KCNQ5: variants seen among roughly 807,000 people sequenced by gnomAD.
KCNQ5 encodes potassium voltage-gated channel subfamily KQT member 5.
A neutral mutation model predicts 98.2 loss-of-function variants in KCNQ5; 30 were observed. The ratio of observed to expected loss-of-function variants is 0.31; its 90% CI spans 0.23 to 0.41. The LOEUF (loss-of-function observed/expected upper bound fraction) is 0.41, where lower values mean the gene tolerates loss of function less well. Among genes scored for constraint, KCNQ5 ranks in the 10% least tolerant of loss-of-function variants. KCNQ5 has a pLI of 1.00. For synonymous variants in KCNQ5, 458 were observed against 449.4 expected (o/e 1.02, Z -0.24); for missense variants, 835 against 1,182.5 (o/e 0.71, Z 4.31).
chr6:72,808,094 T>G (rs1775042680), intron 1 of KCNQ5, among the ~76,000 whole-genome samples: 1 of 152,108 alleles, frequency 6.6e-6, no homozygotes, highest in South Asian at 2.1e-4. Context: ...GGGAGTTCAC[T>G]AGGGGCAGGA....
intron 1 of KCNQ5, among the ~76,000 whole-genome samples, chr6:72,645,214 CA>C (rs397806838): frequency 2.1e-5 from 3 of 141,076 alleles, no homozygotes; most frequent in Middle Eastern, 3.8e-3. Flanking sequence ...CAAAAAAAAA[CA>C]AAAAAAAACA....
intron 10 of KCNQ5, among the ~76,000 whole-genome samples, chr6:73,147,489 G>A (rs984332270): frequency 5.1e-4 from 77 of 152,116 alleles, no homozygotes; most frequent in African/African-American, 1.6e-3. Context: ...GAGTCCTCAT[G>A]TTGAATAATT....
At chr6:72,853,163 C>T (rs992103482) in intron 1 of KCNQ5, among the ~76,000 whole-genome samples, 5 of 152,092 alleles carry the variant, frequency 3.3e-5, no homozygotes, top group East Asian at 1.9e-4. Flanking sequence ...TTAGTCAAAG[C>T]GAAGAAAGTA....
At chr6:72,960,844 T>C (rs527763640) in intron 1 of KCNQ5, among the ~76,000 whole-genome samples, 1 of 152,338 alleles carries the variant, frequency 6.6e-6, no homozygotes, top group East Asian at 1.9e-4. Flanking sequence ...GTCTTCTGAG[T>C]AGCTGGAACT....
At chr6:73,034,925 A>G (rs945569753) in intron 2 of KCNQ5, among the ~76,000 whole-genome samples, 39 of 149,228 alleles carry the variant, frequency 2.6e-4, no homozygotes, top group Non-Finnish European at 2.7e-4. Context: ...GGCTCACTGC[A>G]AGCTCCGCCT....
Position 72,897,502 on chromosome 6 carries a change from A to G in KCNQ5, c.399-106406A>G, listed in dbSNP as rs1227837703. On this transcript the variant is annotated intron_variant, in intron 1 of 13. Transcript: ENST00000370398. ...TGTTGCGGGGAGCCGAGATTGTACC[A>G]CCGCATTCCAGCATGGGCAACAGAG... Among the ~76,000 whole-genome samples the G allele has an allele frequency of 3.3e-5, 5 of 152,110 alleles. No individual in the cohort carries two copies. The East Asian group carries it at 9.7e-4, about 29-fold the overall frequency.
intron 9 of KCNQ5, among the ~76,000 whole-genome samples, chr6:73,126,823 C>T (rs1214708464): frequency 5.3e-5 from 8 of 151,900 alleles, no homozygotes; most frequent in Non-Finnish European, 1.0e-4. Context: ...GTCACATCAC[C>T]CTGGGTAAAG....
intron 1 of KCNQ5, among the ~76,000 whole-genome samples, chr6:72,864,639 C>A (rs539405742): frequency 6.6e-6 from 1 of 152,076 alleles, no homozygotes; most frequent in South Asian, 2.1e-4. Flanking sequence ...ATGCTAGTTT[C>A]TCTCAATAAT....
At chr6:72,711,661 G>T (rs1303892263) in intron 1 of KCNQ5, among the ~76,000 whole-genome samples, 2 of 152,194 alleles carry the variant, frequency 1.3e-5, no homozygotes, top group African/African-American at 2.4e-5. Context: ...TAGGGAAAGT[G>T]TAGGTGCAGG....
chr6:73,031,091 G>A (rs1452505419), intron 2 of KCNQ5, among the ~76,000 whole-genome samples: 1 of 152,158 alleles, frequency 6.6e-6, no homozygotes, highest in Non-Finnish European at 1.5e-5. Flanking sequence ...AAATAAAAGG[G>A]ATAAACTGTC....
chr6:72,845,412 A>T lies in KCNQ5; in HGVS notation c.399-158496A>T, dbSNP rs1039402551. Among the ~76,000 whole-genome samples the T allele has an allele frequency of 2.6e-5, 4 of 152,228 alleles. No individual in the cohort carries two copies. In the East Asian group the frequency reaches 5.8e-4, roughly 22 times the overall value. ...CATCTCACTTATACCTTGATCCAAAAGCTATTTAACCTCCATAGATGTGTC... is the reference window on the plus strand; with the variant it reads ...CATCTCACTTATACCTTGATCCAAATGCTATTTAACCTCCATAGATGTGTC... On this transcript the variant is annotated intron_variant, in intron 1 of 13. Transcript: ENST00000370398.
chr6:73,101,539 T>A (rs1442246821), intron 5 of KCNQ5, among the ~76,000 whole-genome samples: 1 of 152,130 alleles, frequency 6.6e-6, no homozygotes, highest in African/African-American at 2.4e-5. Flanking sequence ...TTAGAACTGA[T>A]AAACAAATTC....
intron 1 of KCNQ5, among the ~76,000 whole-genome samples, chr6:72,924,220 T>C (rs997905480): frequency 7.9e-5 from 12 of 152,218 alleles, no homozygotes; most frequent in Non-Finnish European, 1.6e-4. Flanking sequence ...CAATTTCCAA[T>C]GCAGCTGAGA....
chr6:72,944,458 A>T (rs189339902), intron 1 of KCNQ5, among the ~76,000 whole-genome samples: 110 of 152,296 alleles, frequency 7.2e-4, no homozygotes, highest in African/African-American at 2.5e-3. Context: ...TTATTTCAGG[A>T]CCTATTCTAA....
intron 1 of KCNQ5, among the ~76,000 whole-genome samples, chr6:72,687,206 T>C (rs897109640): frequency 1.3e-5 from 2 of 152,234 alleles, no homozygotes; most frequent in African/African-American, 2.4e-5. Context: ...TAAGCCAATA[T>C]TGATTGCTCT....
In KCNQ5 at chr6:72,622,619, G is replaced by A. The variant is rs1445031490; in HGVS notation, c.398+32G>A. The A allele has an allele frequency of 2.5e-6, 4 of 1,608,960 alleles. No individual in the cohort carries two copies. Among genetic ancestry groups the A allele is most frequent in the Non-Finnish European group, 3.4e-6 (4 of 1,177,972 alleles). The stretch of plus-strand genomic sequence containing the variant: ...ACCCGCGCCCCCTGCTATGCCCGCT[G>A]CAGGGGACCACTGTCCCTGGCCCCC... On this transcript the variant is annotated intron_variant, in intron 1 of 13. Transcript: ENST00000370398. The surrounding 1 kb of genome is among the most constrained non-coding windows in gnomAD (Gnocchi z 6.0).
intron 1 of KCNQ5, among the ~76,000 whole-genome samples, chr6:72,888,373 T>C (rs1778929322): frequency 6.6e-6 from 1 of 152,180 alleles, no homozygotes; most frequent in Admixed American, 6.5e-5. Flanking sequence ...TACTTTAATA[T>C]GACGCTGTGC....
At chr6:73,121,064 T>C (rs1236720804) in intron 8 of KCNQ5, among the ~76,000 whole-genome samples, 3 of 152,184 alleles carry the variant, frequency 2.0e-5, no homozygotes, top group Admixed American at 2.0e-4. Flanking sequence ...CTCACATCAG[T>C]GGCAAAAAAA....
intron 5 of KCNQ5, among the ~76,000 whole-genome samples, chr6:73,093,713 C>A (rs1435642006): frequency 6.6e-6 from 1 of 152,056 alleles, no homozygotes; most frequent in African/African-American, 2.4e-5. Context: ...ATTTGCATGG[C>A]TTTGAAAGTT....
Sources: allele counts gnomAD v4.1 joint callset (sites outside exome capture counted in the v4.1 genomes callset), GRCh38; gene constraint gnomAD v4.1.1; non-coding constraint Gnocchi (gnomAD v3.1); transcripts MANE v1.5; gene names NCBI Gene and HGNC (gene_info 2026-07-23, HGNC 2026-07-21).